IRGM: variants seen among roughly 807,000 people sequenced by gnomAD.
The protein encoded by IRGM is immunity-related GTPase family M protein.
For missense variants in IRGM, 288 were observed against 219.9 expected (o/e 1.31, Z -1.96); for synonymous variants, 98 against 80.6 (o/e 1.22, Z -1.16).
intron 1 of IRGM, among the ~76,000 whole-genome samples, chr5:150,875,968 T>C (rs1257624040): frequency 3.3e-5 from 5 of 152,218 alleles, no homozygotes; most frequent in African/African-American, 1.2e-4. Context: ...CTTCCACTCA[T>C]GGACTCACAG....
At chr5:150,850,523 T>C (rs974761266), downstream of IRGM, among the ~76,000 whole-genome samples, 5 of 152,306 alleles carry the variant, frequency 3.3e-5, no homozygotes, top group African/African-American at 1.2e-4. Flanking sequence ...TTCTAAGGGG[T>C]AAGGGGTGAA....
downstream of IRGM, among the ~76,000 whole-genome samples, chr5:150,848,892 T>G (rs1183780502): frequency 6.6e-6 from 1 of 152,092 alleles, no homozygotes; most frequent in African/African-American, 2.4e-5. Flanking sequence ...CACGGAACTC[T>G]CCACCAGGTG....
chr5:150,891,976 C>G (rs184256105), intron 3 of IRGM, among the ~76,000 whole-genome samples: 214 of 152,198 alleles, frequency 1.4e-3, no homozygotes, highest in Admixed American at 1.4e-3. Context: ...ACTTTCCAAT[C>G]CTACAGGGTC....
chr5:150,875,246 A>G (rs190559556), intron 1 of IRGM, among the ~76,000 whole-genome samples: 139 of 152,312 alleles, frequency 9.1e-4, no homozygotes, highest in Non-Finnish European at 1.6e-3. Context: ...CCAAAAGTGG[A>G]CAGCTGCAGC....
At position 150,848,321 on chromosome 5, in the gene IRGM, T is replaced by C. The variant is rs1384084625; in HGVS notation, c.198T>C (p.Thr66=). ...TGHEGKASPP[T]ELVKATQRCA... Reference sequence around the variant, plus strand: ...ATGAGGGTAAGGCCTCACCTCCTACTGAGCTGGTAAAAGCTACCCAAAGAT... The same window carrying C: ...ATGAGGGTAAGGCCTCACCTCCTACCGAGCTGGTAAAAGCTACCCAAAGAT... The change falls in exon 2 of 2, where the codon ACT becomes ACC. Residue 66 remains threonine (T), a synonymous_variant. Coordinates refer to ENST00000522154, the MANE Select transcript of IRGM (RefSeq NM_001145805.2). 3 of 1,551,160 alleles carry C rather than the reference T, an allele frequency of 1.9e-6. No homozygotes were observed. The highest frequency in any genetic ancestry group is 1.4e-5 in the African/African-American group (1 of 73,044).
At chr5:150,883,711 A>G (rs1754477236) in intron 3 of IRGM, among the ~76,000 whole-genome samples, 1 of 152,036 alleles carries the variant, frequency 6.6e-6, no homozygotes, top group Admixed American at 6.6e-5. Flanking sequence ...AAATCTGAAA[A>G]GACCAATAAT....
chr5:150,858,010 T>G (rs1754082985), intron 1 of IRGM, among the ~76,000 whole-genome samples: 1 of 152,196 alleles, frequency 6.6e-6, no homozygotes, highest in African/African-American at 2.4e-5. Flanking sequence ...CATGCCTATG[T>G]CCTGAATGGT....
downstream of IRGM, chr5:150,848,780 G>C (rs1033002828): frequency 1.3e-6 from 1 of 770,152 alleles, no homozygotes; most frequent in Non-Finnish European, 2.1e-6. Flanking sequence ...TACAATTTTC[G>C]GGGGCATGTA....
In IRGM at chr5:150,848,081, A is replaced by G. The variant is rs920690576; in HGVS notation, c.-43A>G. The G allele has an allele frequency of 2.7e-6, 4 of 1,480,298 alleles. 1 individual carries two copies. In the South Asian group the frequency reaches 4.1e-5, roughly 15 times the overall value. 91.7% of individuals were successfully genotyped at this position (1,480,298 alleles called of 1,614,324 possible). On this transcript the variant is annotated 5_prime_UTR_variant, in exon 2 of 2. It removes an upstream start codon present in the reference 5' UTR. Coordinates refer to ENST00000522154, the MANE Select transcript of IRGM (RefSeq NM_001145805.2). Reference sequence around the variant, plus strand: ...CTTCCAAAGTGCTGGGATTACAGGCATGAGCCACGGCGCCTGGCCAGCATT... The same window carrying G: ...CTTCCAAAGTGCTGGGATTACAGGCGTGAGCCACGGCGCCTGGCCAGCATT...
At chr5:150,858,609 T>A (rs914154750) in intron 1 of IRGM, among the ~76,000 whole-genome samples, 11 of 152,180 alleles carry the variant, frequency 7.2e-5, no homozygotes, top group Non-Finnish European at 2.9e-5. Context: ...CCTTGAGCAG[T>A]GGTTTGTAGT....
chr5:150,896,835 T>A (rs1328704559), intron 3 of IRGM: 3 of 1,613,648 alleles, frequency 1.9e-6, no homozygotes, highest in Non-Finnish European at 1.7e-6. Context: ...TAGAAATCTC[T>A]GCAGCTGACC....
intron 3 of IRGM, among the ~76,000 whole-genome samples, chr5:150,890,301 T>G (rs1400388850): frequency 6.6e-6 from 1 of 152,010 alleles, no homozygotes; most frequent in African/African-American, 2.4e-5. Context: ...TTATTGGTAT[T>G]AAGATGTTCA....
chr5:150,869,390 G>A (rs922559581), intron 1 of IRGM, among the ~76,000 whole-genome samples: 43 of 152,176 alleles, frequency 2.8e-4, no homozygotes, highest in African/African-American at 9.1e-4. Context: ...CTAGTATTTT[G>A]TTGAGGATTT....
At chr5:150,893,137 A>T (rs2113302148) in intron 3 of IRGM, among the ~76,000 whole-genome samples, 1 of 152,132 alleles carries the variant, frequency 6.6e-6, no homozygotes, top group South Asian at 2.1e-4. Flanking sequence ...GTATGCAGTA[A>T]ATTTGTTTTT....
At chr5:150,894,128 T>C (rs991371061) in intron 3 of IRGM, among the ~76,000 whole-genome samples, 2 of 152,080 alleles carry the variant, frequency 1.3e-5, no homozygotes, top group Admixed American at 1.3e-4. Flanking sequence ...AGGAAATATG[T>C]GCAGATGCTG....
At chr5:150,847,588 T>C (rs920217526) in intron 1 of IRGM, 121 bp from the exon 2 acceptor site, 1 of 154,362 alleles carries the variant, frequency 6.5e-6, no homozygotes, top group African/African-American at 2.4e-5. Flanking sequence ...ATAAAAACAA[T>C]CAAAGAACAC....
chr5:150,864,604 T>A (rs1438173733), intron 1 of IRGM, among the ~76,000 whole-genome samples: 1 of 152,230 alleles, frequency 6.6e-6, no homozygotes, highest in African/African-American at 2.4e-5. Flanking sequence ...AATGGTAGGC[T>A]GTGGGCTCTG....
At chr5:150,875,022 G>A (rs562802269) in intron 1 of IRGM, among the ~76,000 whole-genome samples, 52 of 152,312 alleles carry the variant, frequency 3.4e-4, no homozygotes, top group African/African-American at 1.2e-3. Flanking sequence ...TGGAAGTGGT[G>A]TATACGTAAT....
At chr5:150,869,363 C>T (rs943718208) in intron 1 of IRGM, among the ~76,000 whole-genome samples, 1 of 152,034 alleles carries the variant, frequency 6.6e-6, no homozygotes, top group Non-Finnish European at 1.5e-5. Flanking sequence ...TTTTGATATG[C>T]TGTTGGATTC....
Sources: allele counts gnomAD v4.1 joint callset (sites outside exome capture counted in the v4.1 genomes callset), GRCh38; gene constraint gnomAD v4.1.1; transcripts MANE v1.5; gene names NCBI Gene and HGNC (gene_info 2026-07-23, HGNC 2026-07-21).